COL22A1: variants seen among roughly 807,000 people sequenced by gnomAD.
The protein encoded by COL22A1 is collagen alpha-1(XXII) chain.
COL22A1 carries 221 observed loss-of-function variants against 248.9 expected under a neutral mutation model. That is an observed-to-expected ratio of 0.89 (90% confidence interval 0.80 to 0.99). COL22A1 has a LOEUF of 0.99. Ranked by LOEUF, COL22A1 falls within the 50% of genes least tolerant of loss-of-function variation. The probability of loss-of-function intolerance (pLI) is 0.00; values close to 1 mark genes in which losing one functional copy is unlikely to be tolerated. For synonymous variants in COL22A1, 891 were observed against 793.4 expected (o/e 1.12, Z -2.07); for missense variants, 2,240 against 2,179.0 (o/e 1.03, Z -0.56).
At chr8:138,906,521 T>C (rs895440554) in intron 1 of COL22A1, among the ~76,000 whole-genome samples, 1 of 152,072 alleles carries the variant, frequency 6.6e-6, no homozygotes, top group African/African-American at 2.4e-5. Context: ...AATAAATGAG[T>C]TGAAGTGTCT....
chr8:138,705,872 G>C (rs1007111890), intron 30 of COL22A1, among the ~76,000 whole-genome samples: 2 of 152,014 alleles, frequency 1.3e-5, no homozygotes, highest in Admixed American at 1.3e-4. Flanking sequence ...TCAGTGTGCT[G>C]TATTCAGGAG....
At chr8:138,795,653 T>C (rs1222686462) in intron 12 of COL22A1, among the ~76,000 whole-genome samples, 1 of 152,198 alleles carries the variant, frequency 6.6e-6, no homozygotes, top group Non-Finnish European at 1.5e-5. Context: ...TTCTCCTAAA[T>C]GTCATTTTGC....
rs11986867 is a variant in COL22A1 at position 138,597,661 on chromosome 8, C to G, written c.4366-691G>C. Among the ~76,000 whole-genome samples the G allele has an allele frequency of 2.7e-3, 412 of 152,354 alleles. 3 individuals carry two copies. Among genetic ancestry groups the G allele is most frequent in the African/African-American group, 9.3e-3 (388 of 41,582 alleles). The stretch of plus-strand genomic sequence containing the variant: ...GACTGCTCCAGGGCACTGTCTACCC[C>G]TCAAGGGCAGGGGTCTTACGGTGCT... On this transcript the variant is annotated intron_variant, in intron 61 of 64. Coordinates refer to ENST00000303045, the MANE Select transcript of COL22A1 (RefSeq NM_152888.3).
At chr8:138,666,044 T>C (rs1587812585) in intron 41 of COL22A1, among the ~76,000 whole-genome samples, 1 of 152,134 alleles carries the variant, frequency 6.6e-6, no homozygotes, top group African/African-American at 2.4e-5. Flanking sequence ...AAAAAATATA[T>C]ATATATAATT....
rs1830224173 is a variant in COL22A1, at chr8:138,725,423, A to AG, written c.2156dup (p.Gly720TrpfsTer107). 2.5e-6 allele frequency: 4 copies of AG among 1,614,038 alleles called. No individual in the cohort carries two copies. The highest frequency in any genetic ancestry group is 1.1e-5 in the South Asian group (1 of 91,068). ...CCGGTCCAGGGGGGCCTGGGACACC[A>AG]GGGGGTCCTGGAGGGCCCTGTAGAG... On this transcript the variant is annotated frameshift_variant, in exon 24 of 65. Coordinates refer to ENST00000303045, the MANE Select transcript of COL22A1 (RefSeq NM_152888.3). LOFTEE classifies it high-confidence loss of function.
At position 138,716,220 on chromosome 8, in the gene COL22A1, C is replaced by T; in HGVS notation, c.2463+7G>A. On this transcript the variant is annotated splice_region_variant and intron_variant, in intron 29 of 64. Transcript: ENST00000303045. The stretch of plus-strand genomic sequence containing the variant: ...CTGTGTGGGAGGAAGGAAGCTGCCA[C>T]ACTTACCTGGTCTCCTTTCTCTCCT... 6.3e-7 allele frequency: 1 copy of T among 1,577,940 alleles called. No homozygotes were observed. The highest frequency in any genetic ancestry group is 8.6e-7 in the Non-Finnish European group (1 of 1,159,312).
At chr8:138,895,057 T>TC (rs1307715607) in intron 1 of COL22A1, among the ~76,000 whole-genome samples, 1 of 56,176 alleles carries the variant, frequency 1.8e-5, no homozygotes, top group Non-Finnish European at 4.3e-5. Context: ...AGAACCTTTC[T>TC]CTTAAAAAAA....
chr8:138,592,151 C>T (rs184012687), intron 63 of COL22A1, among the ~76,000 whole-genome samples: 262 of 152,198 alleles, frequency 1.7e-3, no homozygotes, highest in African/African-American at 5.9e-3. Context: ...AAACAGAATG[C>T]GATAAATGCC....
intron 5 of COL22A1, among the ~76,000 whole-genome samples, chr8:138,827,007 A>G (rs1819639156): frequency 6.6e-6 from 1 of 152,134 alleles, no homozygotes; most frequent in Non-Finnish European, 1.5e-5. Context: ...CAGCACCTTC[A>G]AATCCATCCC....
rs147458126 is a variant in COL22A1, at chr8:138,705,720, C to A, written c.2518-2373G>T. On this transcript the variant is annotated intron_variant, in intron 30 of 64. Coordinates refer to ENST00000303045, the MANE Select transcript of COL22A1 (RefSeq NM_152888.3). ...CACCCATGCTAGGAAGAAACTGCAT[C>A]AACTAATGAGCAAAATAACCAGCTA... Among the ~76,000 whole-genome samples, 1,462 of 152,302 alleles carry A rather than the reference C, an allele frequency of 9.6e-3. 23 individuals are homozygous for A. Among genetic ancestry groups the A allele is most frequent in the African/African-American group, 0.03 (1,262 of 41,566 alleles).
chr8:138,681,309 T>G (rs1159276901), intron 39 of COL22A1, among the ~76,000 whole-genome samples: 1 of 151,974 alleles, frequency 6.6e-6, no homozygotes, highest in Non-Finnish European at 1.5e-5. Context: ...TGCCTGTGAG[T>G]TAGGTAGTAA....
At chr8:138,724,739 C>T in intron 24 of COL22A1, 71 bp from the exon 25 acceptor site, 2 of 1,474,816 alleles carry the variant, frequency 1.4e-6, no homozygotes, top group Non-Finnish European at 1.9e-6. Flanking sequence ...CAACCTCTTT[C>T]CTGGCATGGG....
chr8:138,629,794 A>T (rs200820662), intron 50 of COL22A1, among the ~76,000 whole-genome samples: 3 of 31,698 alleles, frequency 9.5e-5, no homozygotes, highest in African/African-American at 2.0e-4. Context: ...TTTGCACAGA[A>T]CTCCAGAGAT....
At chr8:138,703,429 T>C in intron 30 of COL22A1, 82 bp from the exon 31 acceptor site, 1 of 1,332,826 alleles carries the variant, frequency 7.5e-7, no homozygotes, top group Non-Finnish European at 1.1e-6. Context: ...CTAACACTAT[T>C]TTCCCCAGAC....
At chr8:138,784,391 G>A (rs1024767713) in intron 12 of COL22A1, among the ~76,000 whole-genome samples, 6 of 152,238 alleles carry the variant, frequency 3.9e-5, no homozygotes, top group African/African-American at 1.4e-4. Context: ...ACTATCACAA[G>A]CATCTTCCTT....
chr8:138,654,555 G>C (rs1823050125), intron 45 of COL22A1, among the ~76,000 whole-genome samples: 1 of 152,090 alleles, frequency 6.6e-6, no homozygotes, highest in South Asian at 2.1e-4. Flanking sequence ...GGGAAGGAAG[G>C]GACCAGTCAC....
intron 47 of COL22A1, among the ~76,000 whole-genome samples, chr8:138,644,876 T>G (rs1587747930): frequency 6.6e-6 from 1 of 152,266 alleles, no homozygotes; most frequent in South Asian, 2.1e-4. Flanking sequence ...AGGCTATGCT[T>G]CCCAGCCTGT....
intron 57 of COL22A1, among the ~76,000 whole-genome samples, 191 bp downstream of exon 57, chr8:138,607,745 G>A (rs1237601553): frequency 4.6e-5 from 7 of 152,126 alleles, no homozygotes; most frequent in Non-Finnish European, 7.3e-5. Context: ...AGAGCCAATC[G>A]CATGATATAT....
intron 17 of COL22A1, among the ~76,000 whole-genome samples, chr8:138,761,714 TC>T (rs1403492284): frequency 6.6e-6 from 1 of 152,198 alleles, no homozygotes; most frequent in Non-Finnish European, 1.5e-5. Flanking sequence ...AGGTTTTATT[TC>T]ATTTTAGTTT....
Sources: gnomAD v4.1 joint callset for allele counts (sites outside exome capture counted in the v4.1 genomes callset) on GRCh38, gnomAD v4.1.1 for gene constraint, MANE v1.5 for transcripts, NCBI Gene and HGNC (gene_info 2026-07-23, HGNC 2026-07-21) for gene names.